Variants in LSAMP observed in about 807,000 individuals in gnomAD.
LSAMP encodes the protein limbic system associated membrane protein, also known as limbic system-associated membrane protein.
LSAMP carries 7 observed loss-of-function variants against 38.6 expected under a neutral mutation model. That is an observed-to-expected ratio of 0.18 (90% CI 0.10 to 0.34). The LOEUF (loss-of-function observed/expected upper bound fraction) is 0.34. Ranked by LOEUF, LSAMP falls within the 10% of genes least tolerant of loss-of-function variation. The pLI, the probability that LSAMP is intolerant of heterozygous loss-of-function variation, is 1.00. For synonymous variants in LSAMP, 154 were observed against 166.8 expected (o/e 0.92, Z 0.59); for missense variants, 313 against 420.0 (o/e 0.75, Z 2.23).
chr3:116,296,695 A>C (rs2107700544), intron 1 of LSAMP, among the ~76,000 whole-genome samples: 1 of 9,970 alleles, frequency 1.0e-4, no homozygotes, highest in Admixed American at 1.3e-3. Context: ...ACTCTGTCTC[A>C]AAAAAAAAAA....
intron 1 of LSAMP, among the ~76,000 whole-genome samples, chr3:116,283,550 G>A (rs1296984172): frequency 1.3e-5 from 2 of 152,116 alleles, no homozygotes; most frequent in South Asian, 2.1e-4. Flanking sequence ...ATCTGGCTAC[G>A]TTACTTTAGG....
chr3:115,928,710 G>A (rs1473772765), intron 3 of LSAMP, among the ~76,000 whole-genome samples: 4 of 152,178 alleles, frequency 2.6e-5, no homozygotes, highest in East Asian at 1.9e-4. Flanking sequence ...AAGGAAAAGG[G>A]TGAGAGAAAG....
chr3:116,269,812 CT>C (rs1183522128), intron 1 of LSAMP, among the ~76,000 whole-genome samples: 2 of 152,056 alleles, frequency 1.3e-5, no homozygotes, highest in African/African-American at 4.8e-5. Flanking sequence ...TGAATTTGTG[CT>C]TATGTACACA....
At chr3:116,215,134 T>G (rs558016718) in intron 1 of LSAMP, among the ~76,000 whole-genome samples, 1 of 152,314 alleles carries the variant, frequency 6.6e-6, no homozygotes, top group Non-Finnish European at 1.5e-5. Context: ...CTCAAAATGC[T>G]TATGAAATGT....
intron 1 of LSAMP, among the ~76,000 whole-genome samples, chr3:116,312,211 T>C (rs2047566955): frequency 2.0e-5 from 3 of 152,118 alleles, no homozygotes; most frequent in Admixed American, 2.0e-4. Context: ...ACAAATAAAC[T>C]AACAAATAAT....
intron 2 of LSAMP, among the ~76,000 whole-genome samples, chr3:116,084,935 G>T (rs1482383710): frequency 6.6e-6 from 1 of 151,040 alleles, no homozygotes; most frequent in African/African-American, 2.4e-5. Flanking sequence ...GAATTTAGTA[G>T]AATTTTTTCT....
At chr3:116,402,687 T>G (rs2107828212) in intron 1 of LSAMP, among the ~76,000 whole-genome samples, 1 of 152,076 alleles carries the variant, frequency 6.6e-6, no homozygotes, top group African/African-American at 2.4e-5. Context: ...TGCACATAAA[T>G]GACTGGGCTG....
intron 1 of LSAMP, among the ~76,000 whole-genome samples, chr3:116,145,576 T>C (rs970742411): frequency 6.6e-6 from 1 of 151,938 alleles, no homozygotes; most frequent in Non-Finnish European, 1.5e-5. Flanking sequence ...AGTCTACTGA[T>C]TTAAATGTTA....
chr3:116,188,217 G>A lies in LSAMP; in HGVS notation c.156-101661C>T, dbSNP rs562570055. Among the ~76,000 whole-genome samples, 5 of 152,192 alleles carry A rather than the reference G, an allele frequency of 3.3e-5. No homozygotes were observed. In the East Asian group the frequency reaches 9.7e-4, roughly 29 times the overall value. On this transcript the variant is annotated intron_variant, in intron 1 of 6. Transcript: ENST00000490035. ...GTTCTTTGCCTCACTTAGTGATCGTGCTATGTATAAGGAAAAGCAGATGTA... is the reference window on the plus strand; with the variant it reads ...GTTCTTTGCCTCACTTAGTGATCGTACTATGTATAAGGAAAAGCAGATGTA...
At position 116,445,159 on chromosome 3, in the gene LSAMP, T is replaced by C; in HGVS notation, c.-128A>G. The C allele has an allele frequency of 1.1e-6, 1 of 869,638 alleles. No homozygotes were observed. Among genetic ancestry groups the C allele is most frequent in the Non-Finnish European group, 1.7e-6 (1 of 576,224 alleles). The allele number at this position is 869,638 out of a possible 1,614,324, so 53.9% of individuals were successfully genotyped here. On this transcript the variant is annotated 5_prime_UTR_variant, in exon 1 of 7. Coordinates refer to ENST00000490035, the MANE Select transcript of LSAMP (RefSeq NM_002338.5). ...CAGAGCGGGCTTTGCCAGTTTATGG[T>C]CCTTTCCACTTTGCCTCTCTCTTTC... is the stretch of plus-strand genomic sequence containing the variant.
At chr3:116,015,017 A>G (rs1940436532) in intron 3 of LSAMP, among the ~76,000 whole-genome samples, 1 of 152,154 alleles carries the variant, frequency 6.6e-6, no homozygotes, top group Admixed American at 6.6e-5. Context: ...TTAAAACCCA[A>G]TGTCCAATGA....
chr3:115,921,077 C>T (rs1401544217), intron 3 of LSAMP, among the ~76,000 whole-genome samples: 1 of 152,024 alleles, frequency 6.6e-6, no homozygotes, highest in Non-Finnish European at 1.5e-5. Flanking sequence ...TCACTTTCAG[C>T]CTGTATGTGT....
chr3:115,821,947 C>A (rs1576111105), intron 6 of LSAMP, among the ~76,000 whole-genome samples: 1 of 152,092 alleles, frequency 6.6e-6, no homozygotes, highest in Admixed American at 6.5e-5. Flanking sequence ...AAAAATAAAA[C>A]CTTTATAATT....
intron 1 of LSAMP, among the ~76,000 whole-genome samples, chr3:116,231,043 C>T (rs923830664): frequency 2.6e-5 from 4 of 152,226 alleles, no homozygotes; most frequent in South Asian, 4.1e-4. Context: ...TGAGAGAACA[C>T]AAAGAAGCTA....
intron 1 of LSAMP, among the ~76,000 whole-genome samples, chr3:116,301,173 A>G (rs142227537): frequency 6.6e-6 from 1 of 152,236 alleles, no homozygotes; most frequent in Non-Finnish European, 1.5e-5. Context: ...ATGTCAATGG[A>G]AATGAAAATC....
At chr3:115,865,250 G>C (rs1576163676) in intron 3 of LSAMP, among the ~76,000 whole-genome samples, 1 of 152,184 alleles carries the variant, frequency 6.6e-6, no homozygotes, top group South Asian at 2.1e-4. Flanking sequence ...TCCTAGAAAT[G>C]GCTTCACTGA....
At chr3:115,838,923 T>A (rs1200736768) in intron 6 of LSAMP, among the ~76,000 whole-genome samples, 1 of 152,210 alleles carries the variant, frequency 6.6e-6, no homozygotes, top group Non-Finnish European at 1.5e-5. Flanking sequence ...TCAGGGGCTC[T>A]GGCTCTGGGT....
At chr3:115,983,271 T>A (rs1939415732) in intron 3 of LSAMP, among the ~76,000 whole-genome samples, 1 of 152,144 alleles carries the variant, frequency 6.6e-6, no homozygotes, top group African/African-American at 2.4e-5. Flanking sequence ...ATCTCAGCAG[T>A]TTGGGAGACT....
chr3:116,406,230 G>T (rs1396117046), intron 1 of LSAMP, among the ~76,000 whole-genome samples: 1 of 152,028 alleles, frequency 6.6e-6, no homozygotes, highest in South Asian at 2.1e-4. Context: ...AAGCAGTACA[G>T]GCCACAACCA....
Sources: allele counts gnomAD v4.1 joint callset (sites outside exome capture counted in the v4.1 genomes callset), GRCh38; gene constraint gnomAD v4.1.1; transcripts MANE v1.5; gene names NCBI Gene and HGNC (gene_info 2026-07-23, HGNC 2026-07-21).